The following F8 variants were observed in gnomAD, a reference collection of about 807,000 sequenced individuals.
The protein encoded by F8 is coagulation factor VIII.
A neutral mutation model predicts 140.6 loss-of-function variants in F8; 12 were observed. That is an observed-to-expected ratio of 0.09 (90% CI 0.05 to 0.14). F8 has a LOEUF of 0.14. F8 is among the 10% of genes least tolerant of loss of function. The pLI is 1.00. For synonymous variants in F8, 585 were observed against 614.6 expected (o/e 0.95, Z 0.71); for missense variants, 1,354 against 1,720.7 (o/e 0.79, Z 3.77).
intron 25 of F8, among the ~76,000 whole-genome samples, chrX:154,848,914 C>T (rs1245975526): frequency 2.7e-5 from 3 of 111,586 alleles, no homozygotes; most frequent in Admixed American, 9.5e-5. Flanking sequence ...TGTTCCTATT[C>T]GGCCATGTTG....
chrX:155,008,944 C>T (rs782290046), intron 1 of F8, among the ~76,000 whole-genome samples: 1 of 111,520 alleles, frequency 9.0e-6, no homozygotes, highest in African/African-American at 3.3e-5. Flanking sequence ...TGTCCTGGAG[C>T]CTACCCGGCA....
At chrX:154,991,295 T>C (rs1166134290) in intron 4 of F8, among the ~76,000 whole-genome samples, 1 of 112,305 alleles carries the variant, frequency 8.9e-6, no homozygotes, top group Non-Finnish European at 1.9e-5. Flanking sequence ...TGCAACATAG[T>C]ACTCACTTCG....
At chrX:154,856,664 A>C (rs1329187540) in intron 25 of F8, among the ~76,000 whole-genome samples, 1 of 112,157 alleles carries the variant, frequency 8.9e-6, no homozygotes, top group Non-Finnish European at 1.9e-5. Context: ...TTACAGACCC[A>C]GCACTCCTTG....
chrX:154,846,165 T>C (rs2072564501), intron 25 of F8, among the ~76,000 whole-genome samples: 1 of 112,182 alleles, frequency 8.9e-6, no homozygotes, highest in East Asian at 2.7e-4. Flanking sequence ...AGACAGTTTG[T>C]TATAATTTCT....
At chrX:154,876,143 G>C (rs1218081283) in intron 22 of F8, among the ~76,000 whole-genome samples, 1 of 94,273 alleles carries the variant, frequency 1.1e-5, no homozygotes, top group Non-Finnish European at 2.1e-5. Context: ...TTTTTGAGAC[G>C]GAGTCTCGCT....
At chrX:154,966,956 C>G (rs1235247270) in intron 7 of F8, among the ~76,000 whole-genome samples, 1 of 110,387 alleles carries the variant, frequency 9.1e-6, no homozygotes, top group African/African-American at 3.3e-5. Flanking sequence ...TTCTGAATGA[C>G]CAAATATCAT....
chrX:154,866,634 A>T (rs781782915), intron 22 of F8, among the ~76,000 whole-genome samples: 1 of 112,103 alleles, frequency 8.9e-6, no homozygotes, highest in African/African-American at 3.2e-5. Flanking sequence ...TTGAACGACC[A>T]TTGGGTCACA....
intron 8 of F8, 28 bp from the exon 9 acceptor site, chrX:154,966,169 T>C: frequency 8.4e-7 from 1 of 1,190,362 alleles, no homozygotes; most frequent in Non-Finnish European, 1.1e-6. Context: ...AGATGAGAGG[T>C]TGGGAAGAAA....
intron 1 of F8, among the ~76,000 whole-genome samples, chrX:155,013,002 CAGG>C (rs1557286719): frequency 3.7e-5 from 4 of 108,809 alleles, no homozygotes. Flanking sequence ...AAAAATTAGC[CAGG>C]CGTGGTGGCG....
intron 1 of F8, among the ~76,000 whole-genome samples, chrX:155,010,083 C>T (rs1264000846): frequency 8.9e-6 from 1 of 112,291 alleles, no homozygotes; most frequent in Non-Finnish European, 1.9e-5. Context: ...CAATATCCAG[C>T]TCCCCAGCCT....
chrX:154,873,521 T>C (rs1467927679), intron 22 of F8, among the ~76,000 whole-genome samples: 1 of 111,917 alleles, frequency 8.9e-6, no homozygotes, highest in African/African-American at 3.2e-5. Context: ...GGCCACCACA[T>C]GCAGCCTGGC....
At chrX:154,957,209 T>G (rs1557281283) in intron 10 of F8, 38 bp from the exon 11 acceptor site, 1 of 1,006,967 alleles carries the variant, frequency 9.9e-7, no homozygotes, top group Non-Finnish European at 1.4e-6. Flanking sequence ...TCAATTAGAG[T>G]ACAACAAGCC....
At chrX:154,892,243 C>T (rs2072949118) in intron 22 of F8, among the ~76,000 whole-genome samples, 1 of 112,720 alleles carries the variant, frequency 8.9e-6, no homozygotes, top group Non-Finnish European at 1.9e-5. Flanking sequence ...AAGCTCTATG[C>T]ATGCATCCTG....
At chrX:154,945,865 A>G (rs1557280251) in intron 13 of F8, among the ~76,000 whole-genome samples, 4 of 112,377 alleles carry the variant, frequency 3.6e-5, no homozygotes, top group African/African-American at 1.3e-4. Context: ...TCAAAAAACT[A>G]TTAGAACTGA....
At chrX:154,917,627 T>C (rs956815277) in intron 14 of F8, among the ~76,000 whole-genome samples, 1 of 112,199 alleles carries the variant, frequency 8.9e-6, no homozygotes, top group Non-Finnish European at 1.9e-5. Context: ...TTCCTTTTAA[T>C]TATTTTTTGT....
chrX:155,001,979 G>A (rs2073648905), intron 1 of F8, among the ~76,000 whole-genome samples: 1 of 112,379 alleles, frequency 8.9e-6, no homozygotes, highest in East Asian at 2.8e-4. Context: ...AACTGAAACT[G>A]TATAAACATT....
chrX:154,836,682 C>T lies in F8; in HGVS notation c.*915G>A, dbSNP rs1259930797. On this transcript the variant is annotated 3_prime_UTR_variant, in exon 26 of 26. Transcript: ENST00000360256. ...ACCATGGATTTTCCTCATATTTCCACAGAAATATTAAATGTATGTCCTTTA... is the reference window on the plus strand; with the variant it reads ...ACCATGGATTTTCCTCATATTTCCATAGAAATATTAAATGTATGTCCTTTA... 2.7e-5 allele frequency: 3 copies of T among 111,931 alleles called. No homozygotes were observed. Among genetic ancestry groups the T allele is most frequent in the African/African-American group, 9.7e-5 (3 of 30,813 alleles). The allele number at this position is 111,931 out of a possible 1,213,427, so 9.2% of individuals were successfully genotyped here.
chrX:154,987,352 T>C, intron 4 of F8, 47 bp from the exon 5 acceptor site: 1 of 1,063,315 alleles, frequency 9.4e-7, no homozygotes, highest in Non-Finnish European at 1.3e-6. Context: ...AAAATCTCAT[T>C]GTAGGAAATT....
In F8 at chrX:155,000,191, C is replaced by T; in HGVS notation, c.144-591G>A. Among the ~76,000 whole-genome samples, 2 of 112,209 alleles carry T rather than the reference C, an allele frequency of 1.8e-5. 1 individual carries two copies. The highest frequency in any genetic ancestry group is 7.4e-4 in the South Asian group (2 of 2,694). On this transcript the variant is annotated intron_variant, in intron 1 of 25. Coordinates refer to ENST00000360256, the MANE Select transcript of F8 (RefSeq NM_000132.4). ...TTATTATTTGCCTCCATTGTCAAAGCCCTTTTAAGCAAAGGCTGGTTCCCA... is the reference window on the plus strand; with the variant it reads ...TTATTATTTGCCTCCATTGTCAAAGTCCTTTTAAGCAAAGGCTGGTTCCCA...
Sources: gnomAD v4.1 joint callset for allele counts (sites outside exome capture counted in the v4.1 genomes callset) on GRCh38, gnomAD v4.1.1 for gene constraint, MANE v1.5 for transcripts, NCBI Gene and HGNC (gene_info 2026-07-23, HGNC 2026-07-21) for gene names.